RIMS1: variants seen among roughly 807,000 people sequenced by gnomAD.
The protein encoded by RIMS1 is regulating synaptic membrane exocytosis 1.
Under a neutral mutation model 214.1 loss-of-function variants are expected in RIMS1, and 83 were observed. That is an observed-to-expected ratio of 0.39 (90% confidence interval 0.32 to 0.47). The LOEUF (loss-of-function observed/expected upper bound fraction) is 0.47, where lower values mean the gene tolerates loss of function less well. Ranked by LOEUF, RIMS1 falls within the 20% of genes least tolerant of loss-of-function variation. The pLI is 0.99. For missense variants in RIMS1, 2,050 were observed against 2,161.8 expected (o/e 0.95, Z 1.03); for synonymous variants, 793 against 786.8 (o/e 1.01, Z -0.13).
At chr6:71,916,410 T>C (rs1582544901) in intron 1 of RIMS1, among the ~76,000 whole-genome samples, 1 of 152,260 alleles carries the variant, frequency 6.6e-6, no homozygotes, top group East Asian at 1.9e-4. Context: ...CTGAAATCAT[T>C]GTCCTACGAA....
At chr6:72,134,069 T>A (rs1412646533) in intron 4 of RIMS1, among the ~76,000 whole-genome samples, 1 of 152,098 alleles carries the variant, frequency 6.6e-6, no homozygotes, top group Non-Finnish European at 1.5e-5. Context: ...AGGCCTTCAA[T>A]AAATGATGAT....
At chr6:72,265,912 T>A (rs1213321008) in intron 21 of RIMS1, 48 bp from the exon 22 acceptor site, 2 of 1,339,282 alleles carry the variant, frequency 1.5e-6, no homozygotes, top group Non-Finnish European at 2.1e-6. Flanking sequence ...CTTTCTTTGT[T>A]TTCTCTGTCT....
intron 2 of RIMS1, among the ~76,000 whole-genome samples, chr6:72,005,306 A>T (rs1257426765): frequency 6.6e-6 from 1 of 152,194 alleles, no homozygotes; most frequent in Non-Finnish European, 1.5e-5. Context: ...AGGTAGCGTG[A>T]TGCCTCCAGC....
At chr6:72,262,485 C>T in intron 19 of RIMS1, 1 of 985,254 alleles carries the variant, frequency 1.0e-6, no homozygotes, top group Non-Finnish European at 1.2e-6. Flanking sequence ...CCAAATGTGT[C>T]AGTGCGAAAC....
chr6:72,290,709 A>T lies in RIMS1; in HGVS notation c.3585A>T (p.Gly1195=), dbSNP rs2093243150. The T allele has an allele frequency of 6.2e-7, 1 of 1,613,624 alleles. No individual in the cohort carries two copies. Among genetic ancestry groups the T allele is most frequent in the Non-Finnish European group, 8.5e-7 (1 of 1,179,724 alleles). Residue 1195 remains glycine, a synonymous_variant, in exon 25 of 34, where the codon GGA becomes GGT. Coordinates refer to ENST00000521978, the MANE Select transcript of RIMS1 (RefSeq NM_014989.7). ...TCCCAACATGTCTTTCTAGAAGGGG[A>T]CACGCAGCCCCAAGAGCAACTGATC... ...RVLPTCLSRR[G]HAAPRATDQP...
chr6:72,388,758 G>A (rs1025578431), intron 29 of RIMS1, among the ~76,000 whole-genome samples: 1 of 152,198 alleles, frequency 6.6e-6, no homozygotes, highest in Non-Finnish European at 1.5e-5. Context: ...AGGAATCAAA[G>A]ATGATTACAA....
chr6:72,015,785 G>T (rs940472750), intron 2 of RIMS1, among the ~76,000 whole-genome samples: 8 of 152,118 alleles, frequency 5.3e-5, no homozygotes, highest in Non-Finnish European at 8.8e-5. Flanking sequence ...AATTAGCCGG[G>T]CATGATGGCG....
At chr6:72,360,433 T>A (rs964291427) in intron 29 of RIMS1, among the ~76,000 whole-genome samples, 3 of 152,190 alleles carry the variant, frequency 2.0e-5, no homozygotes, top group Non-Finnish European at 4.4e-5. Flanking sequence ...TTGGAATCTG[T>A]ATTTGTGAGA....
chr6:72,326,663 A>G (rs1242520562), intron 28 of RIMS1, among the ~76,000 whole-genome samples: 2 of 151,800 alleles, frequency 1.3e-5, no homozygotes, highest in African/African-American at 4.8e-5. Flanking sequence ...GAGAGACTCC[A>G]TACCCCCATT....
chr6:72,223,847 C>T (rs1326608530), intron 6 of RIMS1, among the ~76,000 whole-genome samples: 1 of 149,484 alleles, frequency 6.7e-6, no homozygotes, highest in Non-Finnish European at 1.5e-5. Context: ...ACTCGGGAGG[C>T]TGAGGCAGGT....
intron 16 of RIMS1, among the ~76,000 whole-genome samples, 152 bp downstream of exon 16, chr6:72,252,984 A>G (rs1279846835): frequency 2.6e-5 from 4 of 152,190 alleles, no homozygotes; most frequent in African/African-American, 4.8e-5. Context: ...ATTTCAAATT[A>G]TTAAGAAAGT....
At chr6:72,013,863 T>A (rs1289736446) in intron 2 of RIMS1, among the ~76,000 whole-genome samples, 1 of 152,178 alleles carries the variant, frequency 6.6e-6, no homozygotes, top group Non-Finnish European at 1.5e-5. Flanking sequence ...AGAAAACCCA[T>A]ACTTATTAGC....
intron 29 of RIMS1, among the ~76,000 whole-genome samples, chr6:72,344,974 AATTT>A (rs1252297248): frequency 6.6e-6 from 1 of 151,746 alleles, no homozygotes; most frequent in Non-Finnish European, 1.5e-5. Flanking sequence ...AAGGAAACTA[AATTT>A]ATTAAGTGCC....
At chr6:72,013,460 A>G (rs145525114) in intron 2 of RIMS1, among the ~76,000 whole-genome samples, 112 of 152,302 alleles carry the variant, frequency 7.4e-4, no homozygotes, top group African/African-American at 2.4e-3. Context: ...TGTGATCCTT[A>G]CAAGTAACTA....
chr6:72,132,113 T>C (rs1317287898), intron 4 of RIMS1, among the ~76,000 whole-genome samples: 2 of 152,180 alleles, frequency 1.3e-5, no homozygotes, highest in Non-Finnish European at 2.9e-5. Flanking sequence ...AACGCAATTA[T>C]CACAAGGTCC....
intron 2 of RIMS1, among the ~76,000 whole-genome samples, chr6:72,070,309 A>G (rs1230495537): frequency 1.3e-5 from 2 of 152,196 alleles, no homozygotes; most frequent in African/African-American, 4.8e-5. Flanking sequence ...TTTTATTCAT[A>G]TAATCATATG....
chr6:72,289,066 C>G (rs780320432), intron 24 of RIMS1, among the ~76,000 whole-genome samples: 18 of 152,084 alleles, frequency 1.2e-4, no homozygotes, highest in Non-Finnish European at 2.6e-4. Context: ...TAGTTTGATG[C>G]CACAGAAAGT....
At chr6:72,105,831 T>G (rs2034629243) in intron 4 of RIMS1, among the ~76,000 whole-genome samples, 1 of 152,118 alleles carries the variant, frequency 6.6e-6, no homozygotes, top group African/African-American at 2.4e-5. Context: ...ACCAAACCTT[T>G]TAGTGCCAAA....
At chr6:71,916,319 A>C (rs1370738291) in intron 1 of RIMS1, among the ~76,000 whole-genome samples, 1 of 152,166 alleles carries the variant, frequency 6.6e-6, no homozygotes, top group African/African-American at 2.4e-5. Flanking sequence ...AGTAACTAGC[A>C]TTCAAAAAGA....
Sources: gnomAD v4.1 joint callset for allele counts (sites outside exome capture counted in the v4.1 genomes callset) on GRCh38, gnomAD v4.1.1 for gene constraint, MANE v1.5 for transcripts, NCBI Gene and HGNC (gene_info 2026-07-23, HGNC 2026-07-21) for gene names.